The following CDHR4 variants were observed in gnomAD, a reference collection of about 807,000 sequenced individuals.
CDHR4 encodes the protein cadherin-related family member 4.
Under a neutral mutation model 88.4 loss-of-function variants are expected in CDHR4, and 89 were observed. That is an observed-to-expected ratio of 1.01 (90% CI 0.85 to 1.20). The LOEUF (loss-of-function observed/expected upper bound fraction) is 1.20, where lower values mean the gene tolerates loss of function less well. Ranked by LOEUF, CDHR4 falls within the 50% of genes most tolerant of loss-of-function variation. The pLI is 0.00. For missense variants in CDHR4, 914 were observed against 1,007.2 expected, an observed-to-expected ratio of 0.91 and a Z score of 1.25; for synonymous variants, 368 against 399.2, an observed-to-expected ratio of 0.92 and a Z score of 0.93.
At chr3:49,798,139 G>A (rs1488390211) in intron 4 of CDHR4, 1 of 150,148 alleles carries the variant, frequency 6.7e-6, no homozygotes, top group Non-Finnish European at 1.5e-5. Context: ...AACTCCTGAG[G>A]CCACCTGCCT....
chr3:49,801,565 C>G (rs1265446635), upstream of CDHR4, among the ~76,000 whole-genome samples: 2 of 152,230 alleles, frequency 1.3e-5, no homozygotes, highest in Non-Finnish European at 2.9e-5. Flanking sequence ...TAACAGGCAT[C>G]TCAAGGGTTA....
chr3:49,795,500 C>T lies in CDHR4; in HGVS notation c.848-121G>A. On this transcript the variant is annotated intron_variant, in intron 7 of 18. Transcript: ENST00000412678. This position sits in a 1 kb window ranked among gnomAD's most constrained non-coding sequence, Gnocchi z 5.4. ...TCCATAGGCAAAGGAGGCCGCTGAGCCTGGCCCTCCTGCTGCCTTCTCCAA... is the reference window on the plus strand; with the variant it reads ...TCCATAGGCAAAGGAGGCCGCTGAGTCTGGCCCTCCTGCTGCCTTCTCCAA... The T allele has an allele frequency of 2.0e-6, 3 of 1,491,308 alleles. No individual in the cohort carries two copies. Among genetic ancestry groups the T allele is most frequent in the Non-Finnish European group, 1.8e-6 (2 of 1,111,160 alleles). The allele number at this position is 1,491,308 out of a possible 1,614,324, so 92.4% of individuals were successfully genotyped here.
chr3:49,794,088 G>C (rs1339322394), intron 10 of CDHR4, 82 bp from the exon 11 acceptor site: 6 of 1,368,182 alleles, frequency 4.4e-6, no homozygotes, highest in Non-Finnish European at 6.0e-6. Context: ...ACAGGGCCCT[G>C]CCCTGGGGGT....
rs1201079301 is a variant in CDHR4 at position 49,793,785 on chromosome 3, GC to G, written c.1483+17del. The stretch of plus-strand genomic sequence containing the variant: ...ACTCTGGCTCCCTGTTTCCATCCCA[GC>G]CCTGGGGTGGATGTACCGCTGAGAC... On this transcript the variant is annotated intron_variant, in intron 11 of 18. Coordinates refer to ENST00000412678, the MANE Select transcript of CDHR4 (RefSeq NM_001007540.4). 2.6e-6 allele frequency: 4 copies of G among 1,551,604 alleles called. No homozygotes were observed. Among genetic ancestry groups the G allele is most frequent in the Non-Finnish European group, 2.6e-6 (3 of 1,146,972 alleles).
upstream of CDHR4, among the ~76,000 whole-genome samples, chr3:49,802,438 C>G (rs892692250): frequency 6.6e-6 from 1 of 152,060 alleles, no homozygotes; most frequent in Non-Finnish European, 1.5e-5. Context: ...GCCTCCCAAA[C>G]TGCTGGGATT....
rs749368434 is a variant in CDHR4 at position 49,793,993 on chromosome 3, T to C, written c.1293A>G (p.Val431=). ...CGTTGATGGGTGTCACCATCACCAGTACCGGCACCTCAGCTGGAAGTCATT... is the reference window on the plus strand; with the variant it reads ...CGTTGATGGGTGTCACCATCACCAGCACCGGCACCTCAGCTGGAAGTCATT... ...GQPQMTTEVP[V]LVMVTPINEF... The change falls in exon 11 of 19, where the codon GTA becomes GTG. Residue 431 remains valine (V), a synonymous_variant. Coordinates refer to ENST00000412678, the MANE Select transcript of CDHR4 (RefSeq NM_001007540.4). The C allele has an allele frequency of 2.2e-5, 34 of 1,551,426 alleles. No homozygotes were observed. Among genetic ancestry groups the C allele is most frequent in the Non-Finnish European group, 3.0e-5 (34 of 1,146,960 alleles).
intron 4 of CDHR4, 47 bp downstream of exon 4, chr3:49,798,778 TC>T: frequency 6.4e-7 from 1 of 1,563,978 alleles, no homozygotes; most frequent in Non-Finnish European, 8.8e-7. Context: ...ATTCTCTCCA[TC>T]CCCCCACCCC....
rs1055698906 is a variant in CDHR4, at chr3:49,791,579, T to A, written c.2284-111A>T. On this transcript the variant is annotated intron_variant, in intron 17 of 18. Coordinates refer to ENST00000412678, the MANE Select transcript of CDHR4 (RefSeq NM_001007540.4). ...AGCCCACCTGCCTCCTCCATTCTGATGGTGCTAGTGTGGGCATTTCCACAA... is the reference window on the plus strand; with the variant it reads ...AGCCCACCTGCCTCCTCCATTCTGAAGGTGCTAGTGTGGGCATTTCCACAA... 5 of 1,469,232 alleles carry A rather than the reference T, an allele frequency of 3.4e-6. No homozygotes were observed. In the African/African-American group the frequency reaches 5.7e-5, roughly 17 times the overall value. The allele number at this position is 1,469,232 out of a possible 1,614,324, so 91.0% of individuals were successfully genotyped here. A position where few individuals can be genotyped will look rare whatever the true frequency, so the allele number is the denominator to read the frequency against.
chr3:49,793,441 A>G (rs1157631092), intron 12 of CDHR4, 130 bp from the exon 13 acceptor site: 12 of 1,453,898 alleles, frequency 8.3e-6, no homozygotes, highest in African/African-American at 1.4e-5. Context: ...AACAGGCTCC[A>G]GAGCTTTCAA....
chr3:49,798,529 A>G (rs1462829098), intron 4 of CDHR4: 11 of 419,900 alleles, frequency 2.6e-5, no homozygotes, highest in Non-Finnish European at 4.2e-6. Flanking sequence ...TGGAGCTTGC[A>G]GTGAGCCGAG....
chr3:49,801,904 C>T (rs1023826913), upstream of CDHR4, among the ~76,000 whole-genome samples: 1 of 152,214 alleles, frequency 6.6e-6, no homozygotes. Context: ...AGGGCTAGCC[C>T]AGGTCATTCC....
Position 49,795,894 on chromosome 3 carries a change from T to C in CDHR4, c.710+49A>G, listed in dbSNP as rs1230737518. On this transcript the variant is annotated intron_variant, in intron 6 of 18. Transcript: ENST00000412678. The surrounding 1 kb of genome is among the most constrained non-coding windows in gnomAD (Gnocchi z 5.4). ...AGCAGCCTCACCCTACCTGATTCCC[T>C]GGGGCTAGGCCCTTCCTCCCTCACT... 6.6e-7 allele frequency: 1 copy of C among 1,515,492 alleles called. No individual in the cohort carries two copies. The allele number at this position is 1,515,492 out of a possible 1,614,324, so 93.9% of individuals were successfully genotyped here.
At chr3:49,793,400 GC>G in intron 12 of CDHR4, 89 bp from the exon 13 acceptor site, 1 of 1,485,938 alleles carries the variant, frequency 6.7e-7, no homozygotes, top group Non-Finnish European at 9.0e-7. Context: ...CACAGCCGTA[GC>G]CTAGGCATCA....
chr3:49,792,021 A>G, intron 15 of CDHR4, 62 bp from the exon 16 acceptor site: 2 of 1,477,910 alleles, frequency 1.4e-6, no homozygotes, highest in Non-Finnish European at 1.8e-6. Context: ...TCCAGGAATC[A>G]GCACCATTCA....
intron 14 of CDHR4, 93 bp downstream of exon 14, chr3:49,792,761 G>T: frequency 1.4e-6 from 2 of 1,451,850 alleles, no homozygotes; most frequent in Non-Finnish European, 1.8e-6. Flanking sequence ...CCTCTGAACT[G>T]CCTTCCCCAT....
chr3:49,791,882 A>ATCCC, intron 16 of CDHR4, 21 bp downstream of exon 16: 1 of 1,551,598 alleles, frequency 6.4e-7, no homozygotes, highest in Non-Finnish European at 8.7e-7. Context: ...CCAGGCATAG[A>ATCCC]AGTATGCAAA....
At position 49,795,838 on chromosome 3, in the gene CDHR4, C is replaced by T. The variant is rs1421467239; in HGVS notation, c.711-74G>A. ...TGGGTCCACAGCTTCCTTCCCTGGGCCCCCTCCTGTCAGGGCTGGGACTCA... is the reference window on the plus strand; with the variant it reads ...TGGGTCCACAGCTTCCTTCCCTGGGTCCCCTCCTGTCAGGGCTGGGACTCA... On this transcript the variant is annotated intron_variant, in intron 6 of 18. Transcript: ENST00000412678. This position sits in a 1 kb window ranked among gnomAD's most constrained non-coding sequence, Gnocchi z 5.4. The T allele has an allele frequency of 1.3e-6, 2 of 1,534,788 alleles. No homozygotes were observed. Among genetic ancestry groups the T allele is most frequent in the Middle Eastern group, 1.7e-4 (1 of 5,836 alleles).
rs1336671263 is a variant in CDHR4 at position 49,795,811 on chromosome 3, T to G, written c.711-47A>C. 2 of 1,549,094 alleles carry G rather than the reference T, an allele frequency of 1.3e-6. No homozygotes were observed. Among genetic ancestry groups the G allele is most frequent in the Admixed American group, 2.0e-5 (1 of 50,860 alleles). On this transcript the variant is annotated intron_variant, in intron 6 of 18. Transcript: ENST00000412678. The surrounding 1 kb of genome is among the most constrained non-coding windows in gnomAD (Gnocchi z 5.4). ...GGTTCCTGCCCATTCCTGCTCAACC[T>G]GTGGGTCCACAGCTTCCTTCCCTGG...
upstream of CDHR4, among the ~76,000 whole-genome samples, chr3:49,802,342 T>A (rs918885302): frequency 2.0e-5 from 3 of 151,812 alleles, no homozygotes; most frequent in Non-Finnish European, 2.9e-5. Context: ...CCCGGCTAAT[T>A]TTTTTTGTAT....
Sources: allele counts gnomAD v4.1 joint callset (sites outside exome capture counted in the v4.1 genomes callset), GRCh38; gene constraint gnomAD v4.1.1; non-coding constraint Gnocchi (gnomAD v3.1); transcripts MANE v1.5; gene names NCBI Gene and HGNC (gene_info 2026-07-23, HGNC 2026-07-21).